Variants in WDR41 observed in about 807,000 individuals in gnomAD.
The protein encoded by WDR41 is WD repeat domain 41.
WDR41 carries 63 observed loss-of-function variants against 69.3 expected under a neutral mutation model. That is an observed-to-expected ratio of 0.91 (90% CI 0.74 to 1.12). The LOEUF (loss-of-function observed/expected upper bound fraction) is 1.12. Ranked by LOEUF, WDR41 falls within the 50% of genes most tolerant of loss-of-function variation. The pLI, the probability that WDR41 is intolerant of heterozygous loss-of-function variation, is 0.00. For synonymous variants in WDR41, 185 were observed against 192.1 expected, an observed-to-expected ratio of 0.96 and a Z score of 0.31; for missense variants, 543 against 534.5, an observed-to-expected ratio of 1.02 and a Z score of -0.16.
At chr5:77,566,131 C>T (rs937377307) in intron 1 of WDR41, among the ~76,000 whole-genome samples, 2 of 152,046 alleles carry the variant, frequency 1.3e-5, no homozygotes, top group African/African-American at 4.8e-5. Flanking sequence ...GAGCTTAATA[C>T]CATTCATAAG....
At chr5:77,491,848 A>C (rs1801804253) in intron 1 of WDR41, 2 of 375,038 alleles carry the variant, frequency 5.3e-6, no homozygotes. Flanking sequence ...CGGTAGCCAG[A>C]AGCCCTAAGT....
intron 1 of WDR41, among the ~76,000 whole-genome samples, chr5:77,584,606 A>G (rs1744004171): frequency 1.3e-5 from 2 of 152,202 alleles, no homozygotes; most frequent in South Asian, 4.1e-4. Flanking sequence ...AAAACAAACA[A>G]AAACATAAAG....
chr5:77,506,228 G>T (rs1466161834), intron 1 of WDR41, among the ~76,000 whole-genome samples: 1 of 152,056 alleles, frequency 6.6e-6, no homozygotes, highest in African/African-American at 2.4e-5. Context: ...GTGGGCAAAG[G>T]ATATGAACAG....
intron 2 of WDR41, among the ~76,000 whole-genome samples, chr5:77,479,647 C>T (rs1421601868): frequency 6.6e-6 from 1 of 152,142 alleles, no homozygotes; most frequent in African/African-American, 2.4e-5. Flanking sequence ...TGGATCCCTT[C>T]CTTACACCTT....
At chr5:77,506,016 G>C (rs999292905) in intron 1 of WDR41, among the ~76,000 whole-genome samples, 7 of 152,186 alleles carry the variant, frequency 4.6e-5, no homozygotes, top group African/African-American at 7.2e-5. Context: ...GCAATGGCAA[G>C]AAAAGCCAAA....
chr5:77,560,407 C>T (rs926900537), intron 1 of WDR41, among the ~76,000 whole-genome samples: 1 of 152,138 alleles, frequency 6.6e-6, no homozygotes, highest in African/African-American at 2.4e-5. Context: ...CTGTTTTAAG[C>T]TACCATATTT....
intron 1 of WDR41, among the ~76,000 whole-genome samples, chr5:77,607,433 G>A (rs1744444925): frequency 6.6e-6 from 1 of 152,264 alleles, no homozygotes; most frequent in Non-Finnish European, 1.5e-5. Flanking sequence ...TACAGGGAAA[G>A]CAAGAGGTAG....
intron 2 of WDR41, among the ~76,000 whole-genome samples, chr5:77,487,994 C>A (rs567693801): frequency 3.3e-5 from 5 of 152,270 alleles, no homozygotes; most frequent in African/African-American, 1.2e-4. Flanking sequence ...AGGCCTTGCC[C>A]TATATACATC....
chr5:77,444,971 ACT>A (rs1474619417), intron 8 of WDR41, among the ~76,000 whole-genome samples: 4 of 152,028 alleles, frequency 2.6e-5, no homozygotes, highest in South Asian at 4.2e-4. Flanking sequence ...GACAAGAAAA[ACT>A]CTCCAAAAAA....
chr5:77,434,463 G>A (rs1028445880), intron 12 of WDR41, among the ~76,000 whole-genome samples: 1 of 152,096 alleles, frequency 6.6e-6, no homozygotes, highest in Non-Finnish European at 1.5e-5. Flanking sequence ...TACACAGGTA[G>A]AGGGGTTGCG....
intron 1 of WDR41, among the ~76,000 whole-genome samples, chr5:77,586,067 T>C (rs1029319797): frequency 1.3e-5 from 2 of 152,186 alleles, no homozygotes; most frequent in African/African-American, 4.8e-5. Context: ...GCCATGCAAG[T>C]ATATACTGCA....
chr5:77,493,075 A>G (rs1801877165), upstream of WDR41, among the ~76,000 whole-genome samples: 1 of 152,174 alleles, frequency 6.6e-6, no homozygotes, highest in Admixed American at 6.5e-5. Flanking sequence ...ACTGCATATC[A>G]GAATTACCTG....
intron 2 of WDR41, among the ~76,000 whole-genome samples, chr5:77,471,302 T>A (rs535172450): frequency 1.3e-5 from 2 of 152,258 alleles, no homozygotes; most frequent in South Asian, 4.1e-4. Flanking sequence ...TTTATAGCAC[T>A]AAATGCCCAC....
chr5:77,451,543 G>A (rs1217657350), intron 6 of WDR41, 190 bp from the exon 7 acceptor site: 5 of 578,484 alleles, frequency 8.6e-6, no homozygotes, highest in African/African-American at 1.9e-5. Context: ...TGAGACTTTT[G>A]GAAGACATTA....
intron 2 of WDR41, 82 bp downstream of exon 2, chr5:77,489,375 A>AT: frequency 1.3e-6 from 1 of 742,902 alleles, no homozygotes; most frequent in South Asian, 2.8e-5. Flanking sequence ...GAAAAGATGT[A>AT]TTAATTTTAA....
chr5:77,560,593 A>T (rs1417641297), intron 1 of WDR41, among the ~76,000 whole-genome samples: 1 of 152,166 alleles, frequency 6.6e-6, no homozygotes, highest in Non-Finnish European at 1.5e-5. Context: ...CTGATGAATG[A>T]TGAATATAAA....
intron 1 of WDR41, among the ~76,000 whole-genome samples, chr5:77,615,212 C>T (rs1224747617): frequency 2.0e-5 from 3 of 152,096 alleles, no homozygotes; most frequent in African/African-American, 7.2e-5. Flanking sequence ...GTTGTATGGA[C>T]CTTGTTTGGA....
intron 6 of WDR41, chr5:77,452,178 C>T (rs1294392732): frequency 6.6e-6 from 1 of 152,132 alleles, no homozygotes. Flanking sequence ...TTTTTCTCCA[C>T]ATAGGCATAT....
chr5:77,602,971 C>G (rs1402832046), intron 1 of WDR41, among the ~76,000 whole-genome samples: 3 of 147,956 alleles, frequency 2.0e-5, no homozygotes, highest in Non-Finnish European at 4.4e-5. Context: ...TGGAGTCTCG[C>G]TCTGTGGCCC....
Sources: allele counts gnomAD v4.1 joint callset (sites outside exome capture counted in the v4.1 genomes callset), GRCh38; gene constraint gnomAD v4.1.1; transcripts MANE v1.5; gene names NCBI Gene and HGNC (gene_info 2026-07-23, HGNC 2026-07-21).